The following DYM variants were observed in gnomAD, a reference collection of about 807,000 sequenced individuals.
DYM encodes dyggve-Melchior-Clausen syndrome protein.
A neutral mutation model predicts 93.1 loss-of-function variants in DYM; 78 were observed. The observed-to-expected ratio is 0.84, with a 90% CI of 0.70 to 1.01. The LOEUF (loss-of-function observed/expected upper bound fraction) is 1.01. Among genes scored for constraint, DYM ranks in the 50% least tolerant of loss-of-function variants. The pLI is 0.00. For synonymous variants in DYM, 321 were observed against 319.7 expected, an observed-to-expected ratio of 1.00 and a Z score of -0.04; for missense variants, 789 against 845.0, an observed-to-expected ratio of 0.93 and a Z score of 0.82.
intron 1 of DYM, among the ~76,000 whole-genome samples, chr18:49,449,282 A>C (rs1016876234): frequency 1.3e-5 from 2 of 152,230 alleles, no homozygotes; most frequent in Admixed American, 1.3e-4. Context: ...GCCAAACCCT[A>C]ATTACAGCTG....
intron 1 of DYM, among the ~76,000 whole-genome samples, chr18:49,450,456 G>A (rs1383123308): frequency 6.6e-6 from 1 of 152,204 alleles, no homozygotes; most frequent in East Asian, 1.9e-4. Flanking sequence ...ACATCATTTT[G>A]GCAAAATAAA....
chr18:49,148,880 G>A lies in DYM; in HGVS notation c.1728+14805C>T, dbSNP rs145220126. ...GTTTCATGGAAGACGATTTTTCCAC[G>A]GATGCAGGGTGGTGCTTTTGGGATG... is the stretch of plus-strand genomic sequence containing the variant. On this transcript the variant is annotated intron_variant, in intron 15 of 17. Coordinates refer to ENST00000675505, the MANE Select transcript of DYM (RefSeq NM_001353214.3). Among the ~76,000 whole-genome samples, 28 of 152,232 alleles carry A rather than the reference G, an allele frequency of 1.8e-4. No individual in the cohort carries two copies. The East Asian group carries it at 5.0e-3, about 27-fold the overall frequency.
At chr18:49,103,596 G>A (rs2080429851) in intron 16 of DYM, among the ~76,000 whole-genome samples, 1 of 152,120 alleles carries the variant, frequency 6.6e-6, no homozygotes, top group Non-Finnish European at 1.5e-5. Context: ...TGTATAAGGT[G>A]TAAGGAAGGG....
intron 14 of DYM, among the ~76,000 whole-genome samples, chr18:49,206,855 C>A (rs1346517548): frequency 2.0e-5 from 3 of 152,062 alleles, no homozygotes; most frequent in Non-Finnish European, 4.4e-5. Context: ...ACTGAGAAAC[C>A]CAAGTGGGTA....
intron 17 of DYM, among the ~76,000 whole-genome samples, chr18:49,095,604 G>A (rs1049623898): frequency 1.3e-5 from 2 of 152,014 alleles, no homozygotes; most frequent in African/African-American, 4.8e-5. Flanking sequence ...CCATGACCTT[G>A]GCCTCAATAG....
intron 8 of DYM, among the ~76,000 whole-genome samples, chr18:49,299,754 T>C (rs1274676974): frequency 6.6e-6 from 1 of 152,064 alleles, no homozygotes; most frequent in Non-Finnish European, 1.5e-5. Flanking sequence ...TATAAAAATA[T>C]TCATATGGTC....
chr18:49,257,655 T>A (rs543789237), intron 12 of DYM, among the ~76,000 whole-genome samples: 116 of 150,026 alleles, frequency 7.7e-4, no homozygotes, highest in African/African-American at 2.6e-3. Context: ...AAGACCAGCC[T>A]GGGCAACATA....
chr18:49,406,458 G>A, intron 2 of DYM, among the ~76,000 whole-genome samples: 1 of 152,080 alleles, frequency 6.6e-6, no homozygotes, highest in Non-Finnish European at 1.5e-5. Flanking sequence ...CTACTCAGGA[G>A]GTTGAGGCAC....
At chr18:49,419,966 C>A (rs1045193816) in intron 2 of DYM, among the ~76,000 whole-genome samples, 3 of 152,146 alleles carry the variant, frequency 2.0e-5, no homozygotes, top group Admixed American at 6.5e-5. Flanking sequence ...CAGCAGTACT[C>A]AGTGATAATT....
At chr18:49,300,059 C>CTA (rs2060810976) in intron 8 of DYM, among the ~76,000 whole-genome samples, 1 of 139,472 alleles carries the variant, frequency 7.2e-6, no homozygotes, top group Admixed American at 7.1e-5. Flanking sequence ...AAAAAAAAAG[C>CTA]TATATATATA....
At chr18:49,368,396 A>G (rs1266864983) in intron 5 of DYM, among the ~76,000 whole-genome samples, 5 of 152,360 alleles carry the variant, frequency 3.3e-5, no homozygotes, top group African/African-American at 1.2e-4. Context: ...TTTTCTGCAG[A>G]TACAGATTAC....
chr18:49,290,920 A>G (rs1005553555), intron 8 of DYM, among the ~76,000 whole-genome samples: 6 of 152,126 alleles, frequency 3.9e-5, no homozygotes, highest in African/African-American at 1.4e-4. Context: ...GGGAAGGAGG[A>G]AAATTCCTGG....
chr18:49,390,243 C>T (rs907673297), intron 3 of DYM, among the ~76,000 whole-genome samples: 4 of 152,104 alleles, frequency 2.6e-5, no homozygotes, highest in Admixed American at 2.6e-4. Context: ...CTCGGCAACA[C>T]AGGAGACCCC....
chr18:49,123,298 A>C (rs562726456), intron 15 of DYM, among the ~76,000 whole-genome samples: 107 of 152,132 alleles, frequency 7.0e-4, no homozygotes, highest in Non-Finnish European at 1.2e-3. Context: ...CTCAGACTGA[A>C]ACCAGGTCTC....
chr18:49,442,424 G>A (rs985554152), intron 1 of DYM, among the ~76,000 whole-genome samples: 12 of 151,848 alleles, frequency 7.9e-5, no homozygotes, highest in African/African-American at 2.7e-4. Context: ...GGTGGTGCAC[G>A]CCTATAGTTC....
chr18:49,317,665 C>CT (rs2062104494), intron 8 of DYM, among the ~76,000 whole-genome samples: 1 of 107,070 alleles, frequency 9.3e-6, no homozygotes, highest in Non-Finnish European at 1.9e-5. Flanking sequence ...TCCTTCCTTC[C>CT]TTCCTTCCTT....
intron 7 of DYM, among the ~76,000 whole-genome samples, chr18:49,332,384 G>C (rs766212655): frequency 1.3e-5 from 2 of 152,136 alleles, no homozygotes; most frequent in Non-Finnish European, 2.9e-5. Flanking sequence ...TTACAGGCGT[G>C]AGCCACCGTG....
At chr18:49,266,550 A>G (rs80331958) in intron 11 of DYM, among the ~76,000 whole-genome samples, 2,302 of 152,320 alleles carry the variant, frequency 0.015, 58 homozygotes, top group African/African-American at 0.052. Flanking sequence ...AGTCAAGGCT[A>G]CAGTGAGCAG....
chr18:49,273,940 G>GTT (rs1347083320), intron 10 of DYM, among the ~76,000 whole-genome samples: 2 of 151,264 alleles, frequency 1.3e-5, no homozygotes, highest in African/African-American at 4.9e-5. Flanking sequence ...AAATAATAAT[G>GTT]TAAGAGTAAG....
Sources: allele counts gnomAD v4.1 joint callset (sites outside exome capture counted in the v4.1 genomes callset), GRCh38; gene constraint gnomAD v4.1.1; transcripts MANE v1.5; gene names NCBI Gene and HGNC (gene_info 2026-07-23, HGNC 2026-07-21).